The following SHB variants were observed in gnomAD, a reference collection of about 807,000 sequenced individuals.
SHB encodes the protein SH2 domain containing adaptor protein B.
In SHB, 20 loss-of-function variants were observed where a neutral mutation model predicts 52.3. That is an observed-to-expected ratio of 0.38 (90% CI 0.27 to 0.56). The LOEUF (loss-of-function observed/expected upper bound fraction) is 0.56, where lower values mean the gene tolerates loss of function less well. Ranked by LOEUF, SHB falls within the 20% of genes least tolerant of loss-of-function variation. The probability of loss-of-function intolerance (pLI) is 0.71; values close to 1 mark genes in which losing one functional copy is unlikely to be tolerated. For synonymous variants in SHB, 397 were observed against 316.5 expected (o/e 1.25, Z -2.70); for missense variants, 825 against 723.3 (o/e 1.14, Z -1.61).
intron 1 of SHB, among the ~76,000 whole-genome samples, chr9:38,027,655 ACT>A (rs1279500827): frequency 6.6e-6 from 1 of 150,714 alleles, no homozygotes; most frequent in African/African-American, 2.4e-5. Flanking sequence ...GACAGAGGAA[ACT>A]CTGGGAAACC....
intron 2 of SHB, among the ~76,000 whole-genome samples, chr9:38,001,672 C>T (rs1035647173): frequency 1.3e-5 from 2 of 152,234 alleles, no homozygotes; most frequent in Admixed American, 1.3e-4. Context: ...GACACTGAGG[C>T]ACAAGCAGCC....
In SHB at chr9:37,938,486, A is replaced by T. The variant is rs560663938; in HGVS notation, c.1346+10149T>A. Among the ~76,000 whole-genome samples the T allele has an allele frequency of 1.9e-4, 29 of 152,316 alleles. 1 individual carries two copies. The South Asian group carries it at 5.2e-3, about 27-fold the overall frequency. Reference sequence around the variant, plus strand: ...AAATTAACAAGATGTTAGAAATGTGATTGGAAAGAAATGTTTTTCTCATTT... The same window carrying T: ...AAATTAACAAGATGTTAGAAATGTGTTTGGAAAGAAATGTTTTTCTCATTT... On this transcript the variant is annotated intron_variant, in intron 5 of 5. Transcript: ENST00000377707.
chr9:37,955,640 G>A (rs976833598), intron 4 of SHB, among the ~76,000 whole-genome samples: 2 of 132,842 alleles, frequency 1.5e-5, no homozygotes, highest in African/African-American at 3.0e-5. Flanking sequence ...ATCATACCTG[G>A]TTAATTTTTG....
chr9:38,046,477 C>CG (rs1186034050), intron 1 of SHB, among the ~76,000 whole-genome samples: 2 of 152,162 alleles, frequency 1.3e-5, no homozygotes, highest in Non-Finnish European at 2.9e-5. Flanking sequence ...GAAGCCCCCC[C>CG]GGGTCCTCCT....
intron 5 of SHB, among the ~76,000 whole-genome samples, chr9:37,926,220 T>C (rs762222866): frequency 7.5e-5 from 10 of 133,600 alleles, no homozygotes; most frequent in Non-Finnish European, 1.4e-4. Flanking sequence ...AGGATGGCAA[T>C]TCTGCCTCTT....
chr9:38,067,570 G>C (rs1014260711), intron 1 of SHB, among the ~76,000 whole-genome samples: 1 of 152,178 alleles, frequency 6.6e-6, no homozygotes, highest in Admixed American at 6.5e-5. Flanking sequence ...GTGGAGGCTG[G>C]GATAAGGGGT....
chr9:37,925,265 G>A lies in SHB; in HGVS notation c.1347-5261C>T, dbSNP rs899256821. ...CTGGTCGACCTTGTCCCTGACTGCA[G>A]CCCAGCAAAGGGAGAAGCTGCCCAC... On this transcript the variant is annotated intron_variant, in intron 5 of 5. Transcript: ENST00000377707. 2.0e-5 allele frequency among the ~76,000 whole-genome samples: 3 copies of A among 152,244 alleles called. No homozygotes were observed. In the South Asian group the frequency reaches 6.2e-4, roughly 32 times the overall value.
intron 1 of SHB, among the ~76,000 whole-genome samples, chr9:38,066,967 A>G (rs964834269): frequency 6.6e-6 from 1 of 152,190 alleles, no homozygotes; most frequent in Non-Finnish European, 1.5e-5. Context: ...ACCGGGCCTC[A>G]GATTTAATCA....
intron 2 of SHB, among the ~76,000 whole-genome samples, chr9:38,012,166 C>T (rs1408799159): frequency 6.6e-6 from 1 of 152,140 alleles, no homozygotes; most frequent in Non-Finnish European, 1.5e-5. Flanking sequence ...TGCATGGAGC[C>T]AAGGGACACA....
chr9:38,048,535 G>A (rs1340931201), intron 1 of SHB, among the ~76,000 whole-genome samples: 1 of 152,146 alleles, frequency 6.6e-6, no homozygotes, highest in East Asian at 1.9e-4. Flanking sequence ...GTGGGAGGCT[G>A]AGTCTGGAGG....
intron 5 of SHB, among the ~76,000 whole-genome samples, chr9:37,924,704 G>A (rs1832226844): frequency 1.3e-5 from 2 of 152,300 alleles, no homozygotes; most frequent in South Asian, 2.1e-4. Context: ...AGCCCCTACT[G>A]GGTACTGGGC....
intron 5 of SHB, among the ~76,000 whole-genome samples, chr9:37,947,174 G>A (rs1244085101): frequency 1.3e-5 from 2 of 152,174 alleles, no homozygotes; most frequent in Non-Finnish European, 2.9e-5. Flanking sequence ...GAATTATGCA[G>A]GCACCAGCAG....
intron 5 of SHB, among the ~76,000 whole-genome samples, chr9:37,930,493 G>A (rs767850413): frequency 6.6e-6 from 1 of 152,106 alleles, no homozygotes; most frequent in Non-Finnish European, 1.5e-5. Flanking sequence ...TTCTCATCCC[G>A]AGTCACCCCA....
chr9:38,029,320 T>C (rs1363038786), intron 1 of SHB, among the ~76,000 whole-genome samples: 2 of 152,200 alleles, frequency 1.3e-5, no homozygotes, highest in African/African-American at 4.8e-5. Flanking sequence ...GGACAATTCA[T>C]ACAACAGTAT....
chr9:38,024,157 A>T (rs1221832116), intron 1 of SHB, among the ~76,000 whole-genome samples: 1 of 152,254 alleles, frequency 6.6e-6, no homozygotes, highest in Non-Finnish European at 1.5e-5. Flanking sequence ...GCCCCTGCCA[A>T]GTACTCCGCC....
intron 2 of SHB, among the ~76,000 whole-genome samples, chr9:38,001,731 C>T (rs1261768996): frequency 6.6e-6 from 1 of 152,186 alleles, no homozygotes; most frequent in Non-Finnish European, 1.5e-5. Flanking sequence ...AGGGTTAGTT[C>T]CCTTGGAGGC....
rs148708154 is a variant in SHB, at chr9:38,066,672, G to T, written c.717+1257C>A. The stretch of plus-strand genomic sequence containing the variant: ...CGGACTGCCCATGCAGATCAAACAG[G>T]GGAGGGGATATTCTGGGGACCTCGG... On this transcript the variant is annotated intron_variant, in intron 1 of 5. Coordinates refer to ENST00000377707, the MANE Select transcript of SHB (RefSeq NM_003028.3). 2.3e-3 allele frequency among the ~76,000 whole-genome samples: 349 copies of T among 152,302 alleles called. 1 individual carries two copies. The highest frequency in any genetic ancestry group is 6.5e-3 in the African/African-American group (270 of 41,570).
chr9:37,939,740 C>T (rs535779510), intron 5 of SHB, among the ~76,000 whole-genome samples: 2 of 152,286 alleles, frequency 1.3e-5, no homozygotes, highest in African/African-American at 4.8e-5. Context: ...AAAGAGGCCT[C>T]GAGCTGTGTT....
chr9:38,018,374 G>C (rs925211031), intron 1 of SHB, among the ~76,000 whole-genome samples: 5 of 152,094 alleles, frequency 3.3e-5, no homozygotes, highest in Non-Finnish European at 5.9e-5. Context: ...GGCTGTCATG[G>C]AGCTGCGGCT....
Sources: gnomAD v4.1 joint callset for allele counts (sites outside exome capture counted in the v4.1 genomes callset) on GRCh38, gnomAD v4.1.1 for gene constraint, MANE v1.5 for transcripts, NCBI Gene and HGNC (gene_info 2026-07-23, HGNC 2026-07-21) for gene names.